The following AKAP13 variants were observed in gnomAD, a reference collection of about 807,000 sequenced individuals.
AKAP13 encodes A-kinase anchoring protein 13.
Under a neutral mutation model 264.5 loss-of-function variants are expected in AKAP13, and 80 were observed. The observed-to-expected ratio is 0.30, with a 90% CI of 0.25 to 0.36. The LOEUF (loss-of-function observed/expected upper bound fraction) is 0.36. Among genes scored for constraint, AKAP13 ranks in the 10% least tolerant of loss-of-function variants. The pLI is 1.00. For missense variants in AKAP13, 3,712 were observed against 3,435.2 expected (o/e 1.08, Z -2.01); for synonymous variants, 1,380 against 1,250.2 (o/e 1.10, Z -2.19).
At chr15:85,658,695 A>G (rs1040968623) in intron 12 of AKAP13, 105 bp downstream of exon 12, 1 of 949,410 alleles carries the variant, frequency 1.1e-6, no homozygotes, top group Non-Finnish European at 1.6e-6. Context: ...ACTTTTAAGT[A>G]ATGTCCCATC....
At chr15:85,489,929 A>G (rs2151068438) in intron 2 of AKAP13, among the ~76,000 whole-genome samples, 1 of 152,356 alleles carries the variant, frequency 6.6e-6, no homozygotes, top group South Asian at 2.1e-4. Flanking sequence ...CCAGTAGCTC[A>G]ATATGGCTAT....
intron 1 of AKAP13, among the ~76,000 whole-genome samples, chr15:85,448,945 G>A (rs187795456): frequency 1.1e-4 from 16 of 149,894 alleles, no homozygotes; most frequent in South Asian, 2.1e-4. Context: ...GAAGAATGTC[G>A]TTGGTAGTTT....
intron 8 of AKAP13, chr15:85,619,841 A>T: frequency 7.4e-7 from 1 of 1,348,056 alleles, no homozygotes; most frequent in East Asian, 2.8e-5. Flanking sequence ...TATGAGTTCT[A>T]CATTCATCTT....
At chr15:85,384,765 A>C (rs2070468926) in intron 1 of AKAP13, among the ~76,000 whole-genome samples, 3 of 151,316 alleles carry the variant, frequency 2.0e-5, no homozygotes, top group African/African-American at 7.3e-5. Context: ...CTCACTGGTC[A>C]GTGGAAGAAA....
rs983665914 is a variant in AKAP13, at chr15:85,380,709, C to A, written c.-101C>A. ...TCGGTCGCCGCCGCTTTAGCCGCCT[C>A]CGGGGGAGCGGCCGCCTATTGTCTT... On this transcript the variant is annotated 5_prime_UTR_variant, in exon 1 of 37. Transcript: ENST00000394518. 42 of 152,598 alleles carry A rather than the reference C, an allele frequency of 2.8e-4. No homozygotes were observed. Among genetic ancestry groups the A allele is most frequent in the African/African-American group, 9.9e-4 (41 of 41,462 alleles). 9.5% of individuals were successfully genotyped at this position (152,598 alleles called of 1,614,324 possible). A position where few individuals can be genotyped will look rare whatever the true frequency, so the allele number is the denominator to read the frequency against.
At chr15:85,671,737 T>C (rs2083942821) in intron 14 of AKAP13, among the ~76,000 whole-genome samples, 1 of 152,066 alleles carries the variant, frequency 6.6e-6, no homozygotes, top group Non-Finnish European at 1.5e-5. Flanking sequence ...TAAGCCAGAA[T>C]GCTAGCACTC....
chr15:85,586,788 C>T (rs1252010123), intron 8 of AKAP13, among the ~76,000 whole-genome samples: 1 of 151,966 alleles, frequency 6.6e-6, no homozygotes, highest in East Asian at 1.9e-4. Flanking sequence ...ATTAGCCGGG[C>T]GTGGTGGCAG....
At position 85,735,576 on chromosome 15, in the gene AKAP13, G is replaced by A; in HGVS notation, c.7458G>A (p.Glu2486=). ...MNASKGGEKE[E]GDDGQDLRRT... is the part of the protein sequence containing the mutation. The stretch of plus-strand genomic sequence containing the variant: ...TTTGTTTAGGAGGCGAGAAGGAAGA[G>A]GGAGATGATGGCCAAGATCTTAGGA... The change falls in exon 32 of 37, where the codon GAG becomes GAA. Residue 2486 remains glutamate, a synonymous_variant. Coordinates refer to ENST00000394518, the MANE Select transcript of AKAP13 (RefSeq NM_007200.5). 1.9e-6 allele frequency: 3 copies of A among 1,611,848 alleles called. No individual in the cohort carries two copies. Among genetic ancestry groups the A allele is most frequent in the African/African-American group, 1.3e-5 (1 of 74,916 alleles).
chr15:85,610,404 G>A (rs531096776), intron 8 of AKAP13, among the ~76,000 whole-genome samples: 10 of 152,282 alleles, frequency 6.6e-5, no homozygotes, highest in Admixed American at 1.3e-4. Context: ...ACAGCAGTAC[G>A]TGTATTCAAG....
At chr15:85,692,979 A>C (rs556744567) in intron 16 of AKAP13, 5 of 284,876 alleles carry the variant, frequency 1.8e-5, no homozygotes, top group Non-Finnish European at 3.3e-5. Context: ...AGGTGTCAGA[A>C]GCCTCCTTGC....
At chr15:85,646,092 T>A in intron 10 of AKAP13, 138 bp downstream of exon 10, 2 of 1,135,578 alleles carry the variant, frequency 1.8e-6, no homozygotes, top group Non-Finnish European at 2.5e-6. Context: ...TAGTAAGTTG[T>A]GATCCAGCTA....
chr15:85,638,055 A>ATTT (rs201112050), intron 8 of AKAP13, among the ~76,000 whole-genome samples: 3 of 147,326 alleles, frequency 2.0e-5, no homozygotes, highest in African/African-American at 5.0e-5. Context: ...ATTTTTTTGT[A>ATTT]TTTTTTTTTT....
At position 85,581,635 on chromosome 15, in the gene AKAP13, G is replaced by A; in HGVS notation, c.3567G>A (p.Gln1189=). ...IDDEAHPVLL[Q]PVAKELPTDM... is the part of the protein sequence containing the mutation. ...ATGAAGCACATCCTGTCCTACTGCA[G>A]CCTGTTGCCAAGGAGCTCCCCACAG... Residue 1189 remains glutamine (Q), a synonymous_variant, in exon 7 of 37, where the codon CAG becomes CAA. Coordinates refer to ENST00000394518, the MANE Select transcript of AKAP13 (RefSeq NM_007200.5). The A allele has an allele frequency of 6.2e-7, 1 of 1,614,210 alleles. No individual in the cohort carries two copies. The highest frequency in any genetic ancestry group is 8.5e-7 in the Non-Finnish European group (1 of 1,180,044).
At chr15:85,442,677 A>G (rs959799941) in intron 1 of AKAP13, among the ~76,000 whole-genome samples, 2 of 151,424 alleles carry the variant, frequency 1.3e-5, no homozygotes, top group Non-Finnish European at 2.9e-5. Flanking sequence ...TACCACAAGT[A>G]TGAAGAAAAA....
intron 1 of AKAP13, among the ~76,000 whole-genome samples, chr15:85,414,542 CCT>C (rs2150880148): frequency 6.6e-6 from 1 of 152,190 alleles, no homozygotes; most frequent in South Asian, 2.1e-4. Flanking sequence ...GGGAAAAAAT[CCT>C]CTTGGTATTA....
intron 8 of AKAP13, among the ~76,000 whole-genome samples, chr15:85,603,442 T>C (rs889036259): frequency 6.6e-6 from 1 of 152,256 alleles, no homozygotes. Flanking sequence ...ATAGTTTTGA[T>C]CACACAGACA....
chr15:85,709,743 A>G (rs2086528973), intron 18 of AKAP13, among the ~76,000 whole-genome samples: 1 of 151,626 alleles, frequency 6.6e-6, no homozygotes, highest in Non-Finnish European at 1.5e-5. Flanking sequence ...GCTGGAGTGC[A>G]ATGGCACAGT....
intron 5 of AKAP13, among the ~76,000 whole-genome samples, chr15:85,545,885 C>T (rs1486807499): frequency 6.6e-6 from 1 of 152,120 alleles, no homozygotes; most frequent in African/African-American, 2.4e-5. Context: ...ATTTTAGGGA[C>T]AGCATTCAGT....
intron 1 of AKAP13, among the ~76,000 whole-genome samples, chr15:85,482,632 G>C (rs144208555): frequency 6.6e-6 from 1 of 152,166 alleles, no homozygotes; most frequent in Admixed American, 6.5e-5. Flanking sequence ...GTCAGACTGG[G>C]TTTGAATCTG....
Sources: allele counts gnomAD v4.1 joint callset (sites outside exome capture counted in the v4.1 genomes callset), GRCh38; gene constraint gnomAD v4.1.1; transcripts MANE v1.5; gene names NCBI Gene and HGNC (gene_info 2026-07-23, HGNC 2026-07-21).